Variants in MFN2 observed in about 807,000 individuals in gnomAD.
MFN2 encodes the protein mitofusin-2.
In MFN2, 43 loss-of-function variants were observed where a neutral mutation model predicts 87.5. The observed-to-expected ratio is 0.49, with a 90% CI of 0.38 to 0.63. MFN2 has a LOEUF of 0.63. Ranked by LOEUF, MFN2 falls within the 30% of genes least tolerant of loss-of-function variation. The pLI, the probability that MFN2 is intolerant of heterozygous loss-of-function variation, is 0.00. For synonymous variants in MFN2, 337 were observed against 359.9 expected (o/e 0.94, Z 0.72); for missense variants, 743 against 972.8 (o/e 0.76, Z 3.14).
intron 17 of MFN2, among the ~76,000 whole-genome samples, chr1:12,008,814 G>C (rs1004047723): frequency 2.6e-5 from 4 of 152,250 alleles, no homozygotes; most frequent in African/African-American, 9.6e-5. Flanking sequence ...GTGGCGGCCG[G>C]GCAGAGGCTG....
chr1:11,991,587 G>A (rs1013766574), intron 3 of MFN2, among the ~76,000 whole-genome samples: 6 of 152,140 alleles, frequency 3.9e-5, no homozygotes, highest in Non-Finnish European at 7.4e-5. Flanking sequence ...GTGAGGCAGC[G>A]GGTGGCAAGA....
Position 11,996,250 on chromosome 1 carries a change from G to A in MFN2, c.406G>A (p.Val136Ile). 6.2e-7 allele frequency: 1 copy of A among 1,614,222 alleles called. No homozygotes were observed. Residue 136 changes from valine (V) to isoleucine (I), a missense_variant, in exon 5 of 19, where the codon GTA becomes ATA. By Grantham distance (29) the Val-to-Ile change is conservative. Coordinates refer to ENST00000235329, the MANE Select transcript of MFN2 (RefSeq NM_014874.4). ...IGHTTNCFLR[V>I]EGTDGHEAFL... is the part of the protein sequence containing the mutation. ...CCACACCACCAATTGCTTCCTGCGG[G>A]TAGAGGGCACAGATGGCCATGAGGC...
chr1:12,005,508 A>G (rs1327906972), intron 14 of MFN2, among the ~76,000 whole-genome samples: 1 of 152,238 alleles, frequency 6.6e-6, no homozygotes, highest in East Asian at 1.9e-4. Context: ...GCAGTATGGC[A>G]TCTGAGTCCA....
chr1:11,997,198 G>T, intron 5 of MFN2, 99 bp from the exon 6 acceptor site: 2 of 1,572,324 alleles, frequency 1.3e-6, no homozygotes, highest in Non-Finnish European at 8.7e-7. Context: ...TAGCAGATGG[G>T]CAGCATTCCC....
At chr1:12,000,079 A>C (rs1639105412) in intron 8 of MFN2, among the ~76,000 whole-genome samples, 1 of 143,990 alleles carries the variant, frequency 6.9e-6, no homozygotes, top group Non-Finnish European at 1.5e-5. Flanking sequence ...CCTGGGCAAG[A>C]GAGTGAGATT....
intron 6 of MFN2, among the ~76,000 whole-genome samples, chr1:11,997,995 TGCCTCA>T: frequency 6.7e-6 from 1 of 149,082 alleles, no homozygotes; most frequent in Middle Eastern, 3.5e-3. Context: ...GTGATTCTCC[TGCCTCA>T]GCCTCTGGAG....
Position 12,006,751 on chromosome 1 carries a change from AG to A in MFN2, c.1872+61del, listed in dbSNP as rs571612370. ...GCGGAGGGCAGGTGGGCGGGGCCTG[AG>A]GGCTAGGTTCCTGCTGTGGCCCCTG... On this transcript the variant is annotated intron_variant, in intron 16 of 18. Transcript: ENST00000235329. The A allele has an allele frequency of 7.1e-5, 115 of 1,608,494 alleles. No individual in the cohort carries two copies. The South Asian group carries it at 1.2e-3, about 17-fold the overall frequency.
intron 3 of MFN2, 130 bp downstream of exon 3, chr1:11,989,473 C>A: frequency 9.5e-7 from 1 of 1,053,062 alleles, no homozygotes; most frequent in Non-Finnish European, 1.4e-6. Flanking sequence ...AAATGCTCTG[C>A]TCTTGAAATC....
At chr1:12,007,298 C>G (rs368825915) in intron 17 of MFN2, 49 bp downstream of exon 17, 1 of 1,589,008 alleles carries the variant, frequency 6.3e-7, no homozygotes, top group Non-Finnish European at 8.6e-7. Flanking sequence ...TAGGCAGGGT[C>G]AGCCCCATCT....
Position 12,001,417 on chromosome 1 carries a change from T to C in MFN2, c.833T>C (p.Met278Thr). The C allele has an allele frequency of 1.2e-6, 2 of 1,613,798 alleles. No homozygotes were observed. The highest frequency in any genetic ancestry group is 2.7e-5 in the African/African-American group (2 of 75,042). The change falls in exon 9 of 19, where the codon ATG (methionine) becomes ACG (threonine). Residue 278 changes from methionine to threonine, a missense_variant. This residue lies in a region of MFN2 where 571 missense variants were observed against 670.7 expected (regional missense o/e 0.85). Coordinates refer to ENST00000235329, the MANE Select transcript of MFN2 (RefSeq NM_014874.4). Reference sequence around the variant, plus strand: ...GGGCTCCAGGTGCGGCGGCAGCACATGGAGCGTTGTACCAGCTTCCTGGTG... The same window carrying C: ...GGGCTCCAGGTGCGGCGGCAGCACACGGAGCGTTGTACCAGCTTCCTGGTG... ...EYMEEVRRQH[M>T]ERCTSFLVDE...
At chr1:12,001,919 T>G in intron 10 of MFN2, 63 bp from the exon 11 acceptor site, 1 of 1,614,088 alleles carries the variant, frequency 6.2e-7, no homozygotes, top group Non-Finnish European at 8.5e-7. Context: ...AAAACCAGAG[T>G]CTGGCCCTTG....
chr1:11,981,005 G>A (rs1409241460), intron 1 of MFN2, among the ~76,000 whole-genome samples: 1 of 152,178 alleles, frequency 6.6e-6, no homozygotes, highest in African/African-American at 2.4e-5. Context: ...TGAATAAATA[G>A]CTGTTAAGAC....
At chr1:11,998,649 C>G in intron 6 of MFN2, 121 bp from the exon 7 acceptor site, 1 of 870,962 alleles carries the variant, frequency 1.1e-6, no homozygotes, top group Non-Finnish European at 2.0e-6. Context: ...CCTGATTTCT[C>G]TCCCGTCCCT....
At chr1:12,001,238 C>T (rs749968270) in intron 8 of MFN2, among the ~76,000 whole-genome samples, 163 bp from the exon 9 acceptor site, 53 of 152,158 alleles carry the variant, frequency 3.5e-4, no homozygotes, top group Non-Finnish European at 6.6e-4. Context: ...GTCTTGAACT[C>T]CCGACCTCAA....
rs1638569139 is a variant in MFN2, at chr1:11,989,304, C to T, written c.136C>T (p.Leu46=). The change falls in exon 3 of 19, where the codon CTG becomes TTG. Residue 46 remains leucine, a synonymous_variant. Coordinates refer to ENST00000235329, the MANE Select transcript of MFN2 (RefSeq NM_014874.4). ...GAAGATCAATGGCATTTTTGAGCAG[C>T]TGGGGGCCTACATCCAGGAGAGCGC... ...KKKINGIFEQ[L]GAYIQESATF... is the part of the protein sequence containing the mutation. 6.2e-7 allele frequency: 1 copy of T among 1,614,070 alleles called. No homozygotes were observed. Among genetic ancestry groups the T allele is most frequent in the Non-Finnish European group, 8.5e-7 (1 of 1,180,026 alleles).
chr1:11,991,923 CAAAAA>C (rs35314016), intron 3 of MFN2, among the ~76,000 whole-genome samples: 192 of 16,694 alleles, frequency 0.012, no homozygotes, highest in Middle Eastern at 0.062. Flanking sequence ...GACTCCGTCT[CAAAAA>C]AAAAAAAAAA....
In MFN2 at chr1:12,013,091, G is replaced by A. The variant is rs1000682209; in HGVS notation, c.*1526G>A. 2.9e-6 allele frequency: 1 copy of A among 343,188 alleles called. No individual in the cohort carries two copies. The highest frequency in any genetic ancestry group is 2.2e-5 in the African/African-American group (1 of 46,234). The allele number at this position is 343,188 out of a possible 1,614,324, so 21.3% of individuals were successfully genotyped here. On this transcript the variant is annotated 3_prime_UTR_variant, in exon 19 of 19. Coordinates refer to ENST00000235329, the MANE Select transcript of MFN2 (RefSeq NM_014874.4). ...TCTGCCAGGTGGACATGCTGTGGGT[G>A]GATGTTCCCGGCGTGTGCCGGGCCT... is the stretch of plus-strand genomic sequence containing the variant.
rs983297539 is a variant in MFN2 at position 12,001,478 on chromosome 1, G to A, written c.894G>A (p.Gly298=). ...ELGVVDRSQA[G]DRIFFVSAKE... is the part of the protein sequence containing the mutation. ...GCGTGGTGGATCGATCCCAGGCCGG[G>A]GACCGCATCTTCTTTGTGTCTGCTA... Residue 298 remains glycine (G), a synonymous_variant, in exon 9 of 19, where the codon GGG becomes GGA. Coordinates refer to ENST00000235329, the MANE Select transcript of MFN2 (RefSeq NM_014874.4). 1 of 1,614,016 alleles carries A rather than the reference G, an allele frequency of 6.2e-7. No homozygotes were observed. Among genetic ancestry groups the A allele is most frequent in the African/African-American group, 1.3e-5 (1 of 74,936 alleles).
chr1:11,996,081 G>T, intron 4 of MFN2, 75 bp from the exon 5 acceptor site: 1 of 1,597,916 alleles, frequency 6.3e-7, no homozygotes, highest in Non-Finnish European at 8.6e-7. Flanking sequence ...TGGCCTTCCA[G>T]GCTGGTATCT....
Sources: gnomAD v4.1 joint callset for allele counts (sites outside exome capture counted in the v4.1 genomes callset) on GRCh38, gnomAD v4.1.1 for gene constraint, gnomAD v4.1.1 regional missense constraint, MANE v1.5 for transcripts, NCBI Gene and HGNC (gene_info 2026-07-23, HGNC 2026-07-21) for gene names.